Variants in PHC3 observed in about 807,000 individuals in gnomAD.
PHC3 encodes polyhomeotic homolog 3.
In PHC3, 13 loss-of-function variants were observed where a neutral mutation model predicts 107.4. The observed-to-expected ratio is 0.12, with a 90% CI of 0.08 to 0.19. The LOEUF is 0.19. PHC3 is among the 10% of genes least tolerant of loss of function. The pLI is 1.00. For missense variants in PHC3, 992 were observed against 1,210.9 expected, an observed-to-expected ratio of 0.82 and a Z score of 2.68; for synonymous variants, 456 against 427.4, an observed-to-expected ratio of 1.07 and a Z score of -0.83.
chr3:170,153,570 T>C (rs1419447993), intron 4 of PHC3, among the ~76,000 whole-genome samples: 1 of 152,076 alleles, frequency 6.6e-6, no homozygotes, highest in African/African-American at 2.4e-5. Context: ...GAGACCATCC[T>C]GGATAACACG....
rs114076726 is a variant in PHC3 at position 170,111,756 on chromosome 3, A to C, written c.2353+1604T>G. 2.9e-3 allele frequency among the ~76,000 whole-genome samples: 440 copies of C among 152,320 alleles called. 3 individuals are homozygous for C. Among genetic ancestry groups the C allele is most frequent in the African/African-American group, 0.01 (425 of 41,554 alleles). On this transcript the variant is annotated intron_variant, in intron 11 of 14. Coordinates refer to ENST00000495893, the MANE Select transcript of PHC3 (RefSeq NM_024947.4). Reference sequence around the variant, plus strand: ...TGATTCACATGTTGCAACAGTTTATAAAGAGCTAACAATGTCAGAGATGTC... The same window carrying C: ...TGATTCACATGTTGCAACAGTTTATCAAGAGCTAACAATGTCAGAGATGTC...
chr3:170,176,371 A>G (rs1027759746), intron 2 of PHC3, among the ~76,000 whole-genome samples: 1 of 152,202 alleles, frequency 6.6e-6, no homozygotes, highest in Non-Finnish European at 1.5e-5. Context: ...ATTTTGGAAA[A>G]CTAAATCCTA....
At chr3:170,107,310 G>A (rs1051123464) in intron 11 of PHC3, among the ~76,000 whole-genome samples, 2 of 152,118 alleles carry the variant, frequency 1.3e-5, no homozygotes, top group African/African-American at 4.8e-5. Flanking sequence ...AAAAGCTGAG[G>A]GTGGGATATG....
Position 170,097,994 on chromosome 3 carries a change from C to T in PHC3, c.2834-610G>A, listed in dbSNP as rs1403417854. ...ATTGCAATGCTGCTGAAATGTATTA[C>T]GCTGCTTGACTTGACTATCACTGGG... is the stretch of plus-strand genomic sequence containing the variant. On this transcript the variant is annotated intron_variant, in intron 14 of 14. Transcript: ENST00000495893. The surrounding 1 kb of genome is among the most constrained non-coding windows in gnomAD (Gnocchi z 4.1). 6.6e-6 allele frequency among the ~76,000 whole-genome samples: 1 copy of T among 152,186 alleles called. No individual in the cohort carries two copies. Among genetic ancestry groups the T allele is most frequent in the Non-Finnish European group, 1.5e-5 (1 of 68,000 alleles).
chr3:170,124,182 C>T (rs1474428021), intron 8 of PHC3, among the ~76,000 whole-genome samples: 1 of 152,062 alleles, frequency 6.6e-6, no homozygotes, highest in African/African-American at 2.4e-5. Context: ...TTTCAAAGAA[C>T]ACTTCTAGAG....
At chr3:170,150,793 A>T in intron 4 of PHC3, 1 of 356,086 alleles carries the variant, frequency 2.8e-6, no homozygotes, top group Non-Finnish European at 5.5e-6. Flanking sequence ...GAAACTGGTA[A>T]CTGGTTGTAT....
chr3:170,113,342 T>G lies in PHC3; in HGVS notation c.2353+18A>C. 1 of 1,587,072 alleles carries G rather than the reference T, an allele frequency of 6.3e-7. No individual in the cohort carries two copies. The highest frequency in any genetic ancestry group is 1.2e-5 in the South Asian group (1 of 86,232). On this transcript the variant is annotated intron_variant, in intron 11 of 14. Transcript: ENST00000495893. ...GTCAAAGTTAAATTAAAGGGTATCTTAAGTGAAACCCACAAACCTTCAGCA... is the reference window on the plus strand; with the variant it reads ...GTCAAAGTTAAATTAAAGGGTATCTGAAGTGAAACCCACAAACCTTCAGCA...
chr3:170,113,391 A>C lies in PHC3; in HGVS notation c.2322T>G (p.Ser774=), dbSNP rs756287873. The change falls in exon 11 of 15, where the codon TCT becomes TCG. Residue 774 remains serine, a synonymous_variant. Coordinates refer to ENST00000495893, the MANE Select transcript of PHC3 (RefSeq NM_024947.4). The stretch of plus-strand genomic sequence containing the variant: ...CAATCATGTCTTCCATCTCTGTGTC[A>C]GATGAATTATCCGCATGTTTTGTAT... The part of the protein sequence containing the change: ...QNNTKHADNS[S]DTEMEDMIAE... 9.3e-6 allele frequency: 15 copies of C among 1,610,978 alleles called. No individual in the cohort carries two copies. Among genetic ancestry groups the C allele is most frequent in the Non-Finnish European group, 1.3e-5 (15 of 1,178,764 alleles).
In PHC3 at chr3:170,136,524, G is replaced by C. The variant is rs1220940305; in HGVS notation, c.814C>G (p.Arg272Gly). 6.2e-7 allele frequency: 1 copy of C among 1,609,534 alleles called. No homozygotes were observed. Among genetic ancestry groups the C allele is most frequent in the Non-Finnish European group, 8.5e-7 (1 of 1,178,378 alleles). The change falls in exon 7 of 15, where the codon CGA becomes GGA. Residue 272 changes from arginine to glycine, a missense_variant. This residue lies in a region of PHC3 where 543 missense variants were observed against 590.8 expected (regional missense o/e 0.92). Coordinates refer to ENST00000495893, the MANE Select transcript of PHC3 (RefSeq NM_024947.4). ...TTVTSSKISQ[R>G]DPSPESNKKG... The stretch of plus-strand genomic sequence containing the variant: ...TTATTACTTTCTGGAGAAGGATCTC[G>C]TTGGCTGATTTTAGAACTGGTCACT...
At chr3:170,128,599 A>C in intron 8 of PHC3, 85 bp downstream of exon 8, 1 of 1,455,296 alleles carries the variant, frequency 6.9e-7, no homozygotes, top group Non-Finnish European at 9.2e-7. Flanking sequence ...ACAGGCATTT[A>C]GATCTTGCAA....
At chr3:170,123,180 C>A (rs1347242303) in intron 8 of PHC3, among the ~76,000 whole-genome samples, 3 of 152,108 alleles carry the variant, frequency 2.0e-5, no homozygotes, top group Non-Finnish European at 2.9e-5. Flanking sequence ...ATGTAGGATT[C>A]TATCCCAGGC....
At chr3:170,151,126 G>A (rs1725897313) in intron 4 of PHC3, among the ~76,000 whole-genome samples, 2 of 152,012 alleles carry the variant, frequency 1.3e-5, no homozygotes, top group Middle Eastern at 3.4e-3. Flanking sequence ...CAGGAGAATC[G>A]CTTGAACCCG....
chr3:170,117,649 C>T (rs1273750586), intron 9 of PHC3, among the ~76,000 whole-genome samples, 173 bp from the exon 10 acceptor site: 5 of 152,058 alleles, frequency 3.3e-5, no homozygotes, highest in Non-Finnish European at 7.4e-5. Context: ...AAGGTAGAAG[C>T]GACTATTATT....
At chr3:170,145,081 A>G (rs2108562015) in intron 6 of PHC3, among the ~76,000 whole-genome samples, 1 of 152,350 alleles carries the variant, frequency 6.6e-6, no homozygotes, top group Non-Finnish European at 1.5e-5. Flanking sequence ...TAGTTATTAC[A>G]TAAGGAATAC....
chr3:170,158,969 G>C (rs1262493227), intron 4 of PHC3, among the ~76,000 whole-genome samples: 3 of 148,732 alleles, frequency 2.0e-5, no homozygotes, highest in Non-Finnish European at 3.0e-5. Flanking sequence ...AATAAAATCT[G>C]GGCCGGGCGT....
chr3:170,149,411 T>C (rs1186338934), intron 4 of PHC3, among the ~76,000 whole-genome samples, 167 bp from the exon 5 acceptor site: 6 of 152,148 alleles, frequency 3.9e-5, no homozygotes, highest in African/African-American at 1.4e-4. Context: ...GGGCAGTTAT[T>C]TGCACATATG....
chr3:170,120,338 C>A (rs1203188593), intron 9 of PHC3, among the ~76,000 whole-genome samples: 4 of 152,148 alleles, frequency 2.6e-5, no homozygotes, highest in South Asian at 2.1e-4. Flanking sequence ...GTAATCCCAG[C>A]ATTTTGGGAG....
intron 2 of PHC3, among the ~76,000 whole-genome samples, chr3:170,177,498 C>T (rs183314151): frequency 1.3e-5 from 2 of 152,170 alleles, no homozygotes; most frequent in Non-Finnish European, 2.9e-5. Flanking sequence ...TCCCAAGTAG[C>T]TGGGATTACA....
At chr3:170,160,360 A>G (rs1727688295) in intron 4 of PHC3, among the ~76,000 whole-genome samples, 1 of 152,228 alleles carries the variant, frequency 6.6e-6, no homozygotes, top group Non-Finnish European at 1.5e-5. Flanking sequence ...CTTGATTAGT[A>G]CTATTATATT....
Sources: gnomAD v4.1 joint callset for allele counts (sites outside exome capture counted in the v4.1 genomes callset) on GRCh38, gnomAD v4.1.1 for gene constraint, gnomAD v4.1.1 regional missense constraint, Gnocchi (gnomAD v3.1) non-coding constraint, MANE v1.5 for transcripts, NCBI Gene and HGNC (gene_info 2026-07-23, HGNC 2026-07-21) for gene names.